SPTAN1: variants seen among roughly 807,000 people sequenced by gnomAD.
SPTAN1 encodes spectrin alpha, non-erythrocytic 1, also known as spectrin alpha chain, non-erythrocytic 1.
A neutral mutation model predicts 331.3 loss-of-function variants in SPTAN1; 61 were observed. The observed-to-expected ratio is 0.18, with a 90% CI of 0.15 to 0.23. The LOEUF is 0.23. SPTAN1 is among the 10% of genes least tolerant of loss of function. The probability of loss-of-function intolerance (pLI) is 1.00; values close to 1 mark genes in which losing one functional copy is unlikely to be tolerated. For missense variants in SPTAN1, 2,043 were observed against 3,147.9 expected, an observed-to-expected ratio of 0.65 and a Z score of 8.40; for synonymous variants, 1,153 against 1,173.9, an observed-to-expected ratio of 0.98 and a Z score of 0.36.
Position 128,608,962 on chromosome 9 carries a change from A to T in SPTAN1, c.4580A>T (p.Asn1527Ile), listed in dbSNP as rs145038571. The T allele has an allele frequency of 6.2e-7, 1 of 1,614,064 alleles. No homozygotes were observed. The highest frequency in any genetic ancestry group is 8.5e-7 in the Non-Finnish European group (1 of 1,180,030). Reference protein sequence around the residue: ...YAKGDISSRRNEVLDRWRRLK... With the variant: ...YAKGDISSRRIEVLDRWRRLK... The stretch of plus-strand genomic sequence containing the variant: ...AAGGGAGACATTTCTAGCCGGCGCA[A>T]TGAGGTCTTGGACAGGTGGGTGTCC... The change falls in exon 35 of 57, where the codon AAT (asparagine) becomes ATT (isoleucine). Residue 1527 changes from asparagine to isoleucine, a missense_variant. Transcript: ENST00000372739.
intron 40 of SPTAN1, among the ~76,000 whole-genome samples, chr9:128,614,798 TG>T (rs1856959318): frequency 6.6e-6 from 1 of 152,116 alleles, no homozygotes; most frequent in African/African-American, 2.4e-5. Flanking sequence ...AGTTGCAAAG[TG>T]GCCCCTGAAA....
intron 24 of SPTAN1, among the ~76,000 whole-genome samples, chr9:128,595,088 G>A (rs956164789): frequency 2.6e-5 from 4 of 151,278 alleles, no homozygotes; most frequent in Admixed American, 1.3e-4. Context: ...GGGATAACAG[G>A]CGTAAGCCAC....
rs890297359 is a variant in SPTAN1 at position 128,625,277 on chromosome 9, C to T, written c.6069+98C>T. 8.0e-7 allele frequency: 1 copy of T among 1,244,992 alleles called. No homozygotes were observed. Among genetic ancestry groups the T allele is most frequent in the Non-Finnish European group, 1.2e-6 (1 of 858,284 alleles). The allele number at this position is 1,244,992 out of a possible 1,614,324, so 77.1% of individuals were successfully genotyped here. On this transcript the variant is annotated intron_variant, in intron 47 of 56. Transcript: ENST00000372739. The surrounding 1 kb of genome is among the most constrained non-coding windows in gnomAD (Gnocchi z 4.1). Reference sequence around the variant, plus strand: ...CTGAGGCATTTATCTTCTGTTAGCCCCTGGGGATCAGCAGGAAAAAGATCC... The same window carrying T: ...CTGAGGCATTTATCTTCTGTTAGCCTCTGGGGATCAGCAGGAAAAAGATCC...
intron 40 of SPTAN1, 101 bp downstream of exon 40, chr9:128,613,586 C>A: frequency 1.0e-6 from 1 of 957,204 alleles, no homozygotes; most frequent in Non-Finnish European, 1.7e-6. Flanking sequence ...TGACTTCTTT[C>A]ACTTAAAGCA....
rs1471760034 is a variant in SPTAN1 at position 128,555,367 on chromosome 9, A to C, written c.-4+2671A>C. The C allele has an allele frequency of 2.3e-6, 3 of 1,289,220 alleles. No homozygotes were observed. In the African/African-American group the frequency reaches 4.6e-5, roughly 20 times the overall value. 79.9% of individuals were successfully genotyped at this position (1,289,220 alleles called of 1,614,324 possible). ...TCTTTAGACTCCACATTCCTCCATC[A>C]TGTTGTCATCGTTTCGTAAACGCAG... On this transcript the variant is annotated intron_variant, in intron 1 of 56. Transcript: ENST00000372739.
chr9:128,585,437 C>T (rs1043742390), intron 18 of SPTAN1, among the ~76,000 whole-genome samples: 1 of 152,118 alleles, frequency 6.6e-6, no homozygotes, highest in African/African-American at 2.4e-5. Flanking sequence ...AGTGCCTGCA[C>T]GTGCCAGTCT....
chr9:128,600,334 T>C (rs962808921), intron 27 of SPTAN1, among the ~76,000 whole-genome samples: 4 of 152,186 alleles, frequency 2.6e-5, no homozygotes, highest in African/African-American at 9.7e-5. Flanking sequence ...TAGGTTGCAT[T>C]GATTACCCAT....
chr9:128,561,662 CAAAAAAAAA>C lies in SPTAN1; in HGVS notation c.-3-5058_-3-5050del, dbSNP rs762156669. Among the ~76,000 whole-genome samples, 137 of 15,988 alleles carry C rather than the reference CAAAAAAAAA, an allele frequency of 8.6e-3. 4 individuals carry two copies. The highest frequency in any genetic ancestry group is 0.014 in the South Asian group (4 of 292). 10.5% of individuals were successfully genotyped at this position (15,988 alleles called of 152,430 possible). Reference sequence around the variant, plus strand: ...TGGGCAACAGAGCGAGACTCCGTCTCAAAAAAAAAAAAAAAAAAAAAAAAAAGAATATGT... The same window carrying C: ...TGGGCAACAGAGCGAGACTCCGTCTCAAAAAAAAAAAAAAAAAGAATATGT... On this transcript the variant is annotated intron_variant, in intron 1 of 56. Coordinates refer to ENST00000372739, the MANE Select transcript of SPTAN1 (RefSeq NM_001130438.3).
At chr9:128,611,977 G>A in intron 38 of SPTAN1, 132 bp downstream of exon 38, 1 of 1,599,392 alleles carries the variant, frequency 6.3e-7, no homozygotes. Context: ...AATTACAGAT[G>A]GGGAATGCTA....
chr9:128,612,016 ATTCTC>A lies in SPTAN1; in HGVS notation c.4906-85_4906-81del, dbSNP rs1856626865. The A allele has an allele frequency of 2.5e-6, 4 of 1,610,970 alleles. No individual in the cohort carries two copies. The Admixed American group carries it at 6.7e-5, about 27-fold the overall frequency. Reference sequence around the variant, plus strand: ...AGAATGGCTCCTATGAGTGTTTTCCATTCTCTTCTCTTAGAAGTTCTCAAATTGAG... The same window carrying A: ...AGAATGGCTCCTATGAGTGTTTTCCATTCTCTTAGAAGTTCTCAAATTGAG... On this transcript the variant is annotated intron_variant, in intron 38 of 56. Transcript: ENST00000372739.
In SPTAN1 at chr9:128,633,221, G is replaced by A; in HGVS notation, c.7321G>A (p.Glu2441Lys). Residue 2441 changes from glutamate (E) to lysine (K), a missense_variant, in exon 57 of 57, where the codon GAA becomes AAA. By Grantham distance (56) the Glu-to-Lys change is moderately conservative. This residue lies in a region of SPTAN1 where 88 missense variants were observed against 96.5 expected (regional missense o/e 0.91). Transcript: ENST00000372739. ...TCTTACCCCACAGAACCTGACCCGGGAACAAGCCGACTACTGCGTCTCCCA... is the reference window on the plus strand; with the variant it reads ...TCTTACCCCACAGAACCTGACCCGGAAACAAGCCGACTACTGCGTCTCCCA... ...KEELYQNLTR[E>K]QADYCVSHMK... 1.2e-6 allele frequency: 2 copies of A among 1,613,984 alleles called. No individual in the cohort carries two copies. The highest frequency in any genetic ancestry group is 1.7e-6 in the Non-Finnish European group (2 of 1,180,024).
intron 5 of SPTAN1, 110 bp downstream of exon 5, chr9:128,575,455 T>C: frequency 8.2e-7 from 1 of 1,216,456 alleles, no homozygotes; most frequent in South Asian, 1.3e-5. Flanking sequence ...TGAGCAAGTT[T>C]TTGTAAGCAT....
intron 1 of SPTAN1, among the ~76,000 whole-genome samples, chr9:128,559,308 G>T (rs1202435969): frequency 6.6e-6 from 1 of 152,184 alleles, no homozygotes; most frequent in Non-Finnish European, 1.5e-5. Context: ...GGATTGGCAG[G>T]ATCAAATCAG....
At chr9:128,562,201 C>T (rs1334689213) in intron 1 of SPTAN1, among the ~76,000 whole-genome samples, 2 of 152,166 alleles carry the variant, frequency 1.3e-5, no homozygotes, top group Admixed American at 6.5e-5. Flanking sequence ...CTCTCAGGTT[C>T]AAGCGATTCT....
rs561088530 is a variant in SPTAN1 at position 128,576,076 on chromosome 9, G to A, written c.651+731G>A. Among the ~76,000 whole-genome samples, 9 of 152,284 alleles carry A rather than the reference G, an allele frequency of 5.9e-5. No individual in the cohort carries two copies. The East Asian group carries it at 1.5e-3, about 26-fold the overall frequency. On this transcript the variant is annotated intron_variant, in intron 5 of 56. Transcript: ENST00000372739. ...CTCACCCTTCCACAGTGACAGATGT[G>A]TTGCTTTTCCAAACCCTAAGCTTTC...
At chr9:128,593,973 A>G (rs1853879163) in intron 23 of SPTAN1, 1 of 626,642 alleles carries the variant, frequency 1.6e-6, no homozygotes, top group Admixed American at 2.1e-5. Context: ...TGAACAGTAC[A>G]GTGTGCGCAT....
chr9:128,624,243 A>C, intron 45 of SPTAN1, 85 bp from the exon 46 acceptor site: 1 of 1,563,136 alleles, frequency 6.4e-7, no homozygotes, highest in Non-Finnish European at 8.8e-7. Context: ...CATTTTATAG[A>C]AGTTTAGAGC....
intron 1 of SPTAN1, among the ~76,000 whole-genome samples, chr9:128,553,787 C>G (rs77741454): frequency 0.034 from 5,136 of 152,150 alleles, 165 homozygotes; most frequent in Non-Finnish European, 0.043. Context: ...TTTAGAAAAA[C>G]TTACCATCAT....
chr9:128,593,868 C>G, intron 23 of SPTAN1: 1 of 404,080 alleles, frequency 2.5e-6, no homozygotes. Flanking sequence ...TGTTACTGTG[C>G]TAAGCGCTTG....
Sources: gnomAD v4.1 joint callset for allele counts (sites outside exome capture counted in the v4.1 genomes callset) on GRCh38, gnomAD v4.1.1 for gene constraint, gnomAD v4.1.1 regional missense constraint, Gnocchi (gnomAD v3.1) non-coding constraint, MANE v1.5 for transcripts, NCBI Gene and HGNC (gene_info 2026-07-23, HGNC 2026-07-21) for gene names.